Variants in FAM107B observed in about 807,000 individuals in gnomAD.
FAM107B encodes the protein family with sequence similarity 107 member B.
FAM107B carries 21 observed loss-of-function variants against 31.5 expected under a neutral mutation model. That is an observed-to-expected ratio of 0.67 (90% confidence interval 0.47 to 0.96). The LOEUF is 0.96. Among genes scored for constraint, FAM107B ranks in the 40% least tolerant of loss-of-function variants. The probability of loss-of-function intolerance (pLI) is 0.00; values close to 1 mark genes in which losing one functional copy is unlikely to be tolerated. For synonymous variants in FAM107B, 157 were observed against 141.5 expected (o/e 1.11, Z -0.78); for missense variants, 452 against 377.1 (o/e 1.20, Z -1.64).
chr10:14,702,216 C>T (rs189185822), intron 1 of FAM107B, among the ~76,000 whole-genome samples: 3 of 152,346 alleles, frequency 2.0e-5, no homozygotes, highest in South Asian at 4.1e-4. Context: ...AATATATGTA[C>T]ATGGATATCC....
chr10:14,595,289 A>G (rs1372240626), intron 2 of FAM107B, among the ~76,000 whole-genome samples: 1 of 152,206 alleles, frequency 6.6e-6, no homozygotes, highest in Non-Finnish European at 1.5e-5. Flanking sequence ...TTCTGCAGGT[A>G]CTTTCGTATC....
chr10:14,567,072 G>A (rs377496242), intron 2 of FAM107B, among the ~76,000 whole-genome samples: 1 of 152,204 alleles, frequency 6.6e-6, no homozygotes, highest in East Asian at 1.9e-4. Flanking sequence ...AGAATGGTGT[G>A]AACCCAGGAG....
At chr10:14,767,187 C>T (rs1248902020) in intron 1 of FAM107B, among the ~76,000 whole-genome samples, 3 of 148,404 alleles carry the variant, frequency 2.0e-5, no homozygotes, top group South Asian at 2.2e-4. Flanking sequence ...CTCTGCCTCC[C>T]GGGTTCAAGT....
chr10:14,715,742 C>T (rs1459016438), intron 1 of FAM107B, among the ~76,000 whole-genome samples: 1 of 152,194 alleles, frequency 6.6e-6, no homozygotes, highest in African/African-American at 2.4e-5. Flanking sequence ...GACATCAGCA[C>T]TCCTTGTTCC....
intron 2 of FAM107B, among the ~76,000 whole-genome samples, chr10:14,659,371 G>A (rs181790383): frequency 6.6e-6 from 1 of 152,252 alleles, no homozygotes; most frequent in Non-Finnish European, 1.5e-5. Flanking sequence ...TGGGGAGGGG[G>A]CAGAGGTTGC....
At chr10:14,633,466 C>T (rs1422495619) in intron 2 of FAM107B, among the ~76,000 whole-genome samples, 2 of 152,152 alleles carry the variant, frequency 1.3e-5, no homozygotes, top group Non-Finnish European at 2.9e-5. Flanking sequence ...TCTTCTAGTA[C>T]TTTGGATAAG....
chr10:14,568,616 T>G (rs1850907787), intron 2 of FAM107B, among the ~76,000 whole-genome samples: 3 of 141,608 alleles, frequency 2.1e-5, no homozygotes, highest in Non-Finnish European at 4.7e-5. Context: ...GATACTCAGG[T>G]AGGAGGAGGG....
intron 3 of FAM107B, among the ~76,000 whole-genome samples, chr10:14,523,186 T>C (rs1178333405): frequency 6.6e-6 from 1 of 152,268 alleles, no homozygotes; most frequent in Non-Finnish European, 1.5e-5. Context: ...GGATTTCTCC[T>C]ATGGCTTTCC....
chr10:14,568,295 C>T (rs1210388696), intron 2 of FAM107B, among the ~76,000 whole-genome samples: 2 of 82,340 alleles, frequency 2.4e-5, no homozygotes, highest in African/African-American at 7.8e-5. Context: ...GCACTGAACT[C>T]GGAGAGTGGC....
At chr10:14,737,231 G>A (rs1002349715) in intron 1 of FAM107B, among the ~76,000 whole-genome samples, 1 of 152,178 alleles carries the variant, frequency 6.6e-6, no homozygotes, top group East Asian at 1.9e-4. Flanking sequence ...TATTACAGAG[G>A]GGGAGTTGGG....
intron 2 of FAM107B, among the ~76,000 whole-genome samples, chr10:14,597,343 A>C (rs995967612): frequency 6.9e-6 from 1 of 145,052 alleles, no homozygotes; most frequent in Non-Finnish European, 1.5e-5. Flanking sequence ...ACTTGGATAA[A>C]GCGTGAGTTT....
chr10:14,769,119 C>A (rs1833244446), intron 1 of FAM107B, among the ~76,000 whole-genome samples: 1 of 152,202 alleles, frequency 6.6e-6, no homozygotes, highest in African/African-American at 2.4e-5. Flanking sequence ...ATCAAATTGA[C>A]CCTGCTGTAT....
At chr10:14,616,503 G>A (rs1852854265) in intron 2 of FAM107B, among the ~76,000 whole-genome samples, 1 of 152,088 alleles carries the variant, frequency 6.6e-6, no homozygotes, top group African/African-American at 2.4e-5. Context: ...AGGTCAGCCT[G>A]GTATAAAAAA....
intron 2 of FAM107B, among the ~76,000 whole-genome samples, chr10:14,620,083 A>G (rs1313198653): frequency 1.4e-5 from 2 of 142,262 alleles, no homozygotes; most frequent in Non-Finnish European, 1.5e-5. Context: ...GCAGTGGCAC[A>G]ATCTCGGCTC....
intron 1 of FAM107B, among the ~76,000 whole-genome samples, chr10:14,762,686 G>C (rs535619291): frequency 9.3e-5 from 14 of 150,154 alleles, no homozygotes; most frequent in Non-Finnish European, 1.6e-4. Flanking sequence ...AACATGGGAG[G>C]CAGAGGTTGC....
At chr10:14,592,981 T>A (rs181851891) in intron 2 of FAM107B, among the ~76,000 whole-genome samples, 2 of 152,336 alleles carry the variant, frequency 1.3e-5, no homozygotes, top group East Asian at 3.9e-4. Flanking sequence ...CTGCACTGCC[T>A]GGAATTGCCC....
chr10:14,562,443 G>C (rs890383875), intron 2 of FAM107B, among the ~76,000 whole-genome samples: 1 of 152,212 alleles, frequency 6.6e-6, no homozygotes, highest in African/African-American at 2.4e-5. Flanking sequence ...AAGTGGTAGA[G>C]GCAGAGTTGC....
intron 1 of FAM107B, among the ~76,000 whole-genome samples, chr10:14,773,764 C>T (rs1483457037): frequency 6.6e-6 from 1 of 152,130 alleles, no homozygotes; most frequent in Non-Finnish European, 1.5e-5. Flanking sequence ...ACTAGGCATA[C>T]ACTGATGATC....
intron 1 of FAM107B, among the ~76,000 whole-genome samples, chr10:14,676,449 C>G (rs913291): frequency 0.069 from 10,533 of 152,252 alleles, 504 homozygotes; most frequent in East Asian, 0.24. Context: ...AGTCTACACC[C>G]TCTCTTAACA....
Sources: gnomAD v4.1 joint callset for allele counts (sites outside exome capture counted in the v4.1 genomes callset) on GRCh38, gnomAD v4.1.1 for gene constraint, MANE v1.5 for transcripts, NCBI Gene and HGNC (gene_info 2026-07-23, HGNC 2026-07-21) for gene names.